The following MED12L variants were observed in gnomAD, a reference collection of about 807,000 sequenced individuals.
MED12L encodes the protein mediator complex subunit 12L.
Under a neutral mutation model 281.3 loss-of-function variants are expected in MED12L, and 60 were observed. The ratio of observed to expected loss-of-function variants is 0.21; its 90% confidence interval spans 0.17 to 0.26. The LOEUF is 0.26. Among genes scored for constraint, MED12L ranks in the 10% least tolerant of loss-of-function variants. The probability of loss-of-function intolerance (pLI) is 1.00; values close to 1 mark genes in which losing one functional copy is unlikely to be tolerated. For synonymous variants in MED12L, 974 were observed against 987.2 expected (o/e 0.99, Z 0.25); for missense variants, 2,146 against 2,680.9 (o/e 0.80, Z 4.41).
intron 39 of MED12L, among the ~76,000 whole-genome samples, chr3:151,395,350 A>G (rs1714825514): frequency 1.3e-5 from 2 of 152,296 alleles, no homozygotes; most frequent in South Asian, 4.1e-4. Flanking sequence ...TGTATATTTA[A>G]TAAGGTCTAG....
At chr3:151,415,939 G>A (rs1717485993) in intron 42 of MED12L, among the ~76,000 whole-genome samples, 1 of 152,330 alleles carries the variant, frequency 6.6e-6, no homozygotes, top group Non-Finnish European at 1.5e-5. Flanking sequence ...GATTACTACT[G>A]AGCAGTCCCC....
chr3:151,367,585 A>G, intron 23 of MED12L, 61 bp from the exon 24 acceptor site: 1 of 1,459,604 alleles, frequency 6.9e-7, no homozygotes, highest in Non-Finnish European at 9.2e-7. Flanking sequence ...CTTAGTTATT[A>G]ATCTTAGATA....
chr3:151,368,036 C>A, intron 24 of MED12L, 114 bp from the exon 25 acceptor site: 1 of 945,116 alleles, frequency 1.1e-6, no homozygotes, highest in South Asian at 1.7e-5. Context: ...ATTTTCTTAC[C>A]ATAAGGAAAA....
In MED12L at chr3:151,338,272, A is replaced by G; in HGVS notation, c.2251-11787A>G. 1 of 1,614,030 alleles carries G rather than the reference A, an allele frequency of 6.2e-7. No individual in the cohort carries two copies. The highest frequency in any genetic ancestry group is 8.5e-7 in the Non-Finnish European group (1 of 1,179,928). On this transcript the variant is annotated intron_variant, in intron 16 of 44. Transcript: ENST00000687756. Reference sequence around the variant, plus strand: ...ATCCAGAAAATGACTTGACAGATGTAATTTACTATTTCATGCCAGACTAGA... The same window carrying G: ...ATCCAGAAAATGACTTGACAGATGTGATTTACTATTTCATGCCAGACTAGA...
Position 151,165,432 on chromosome 3 carries a change from A to G in MED12L, c.1270A>G (p.Ile424Val). The change falls in exon 10 of 45, where the codon ATT (isoleucine) becomes GTT (valine). Residue 424 changes from isoleucine to valine, a missense_variant. By Grantham distance (29) the Ile-to-Val change is conservative (BLOSUM62 3). This residue lies in a region of MED12L where 722 missense variants were observed against 861.2 expected (regional missense o/e 0.84). Coordinates refer to ENST00000687756, the MANE Select transcript of MED12L (RefSeq NM_001393769.1). ...GATTATCTTTCAGGTTCGGGCAAGG[A>G]TTTATGAAGTAGAACAACAGATAAA... ...TAFNQQVRAR[I>V]YEVEQQIKQR... is the part of the protein sequence containing the mutation. The G allele has an allele frequency of 1.9e-6, 3 of 1,613,964 alleles. No individual in the cohort carries two copies. The highest frequency in any genetic ancestry group is 2.2e-5 in the South Asian group (2 of 91,078).
chr3:151,095,926 G>A (rs1441955546), intron 2 of MED12L, among the ~76,000 whole-genome samples: 4 of 152,128 alleles, frequency 2.6e-5, no homozygotes, highest in Admixed American at 1.3e-4. Context: ...GTTGAGATAA[G>A]CATATAACTT....
chr3:151,373,327 C>G (rs1756412374), intron 27 of MED12L, among the ~76,000 whole-genome samples: 1 of 152,132 alleles, frequency 6.6e-6, no homozygotes, highest in East Asian at 1.9e-4. Context: ...ATTTGCACCT[C>G]AAGGGTGATG....
At chr3:151,308,363 G>A (rs1377434015) in intron 16 of MED12L, among the ~76,000 whole-genome samples, 3 of 152,002 alleles carry the variant, frequency 2.0e-5, no homozygotes, top group African/African-American at 7.2e-5. Context: ...GGTGAAACAT[G>A]TATTTTTATT....
intron 16 of MED12L, among the ~76,000 whole-genome samples, chr3:151,223,832 A>C (rs1729912067): frequency 6.6e-6 from 1 of 152,198 alleles, no homozygotes; most frequent in African/African-American, 2.4e-5. Flanking sequence ...GTAACTGTTG[A>C]ACCTAAAAGA....
chr3:151,184,091 G>C (rs1034102954), intron 11 of MED12L, among the ~76,000 whole-genome samples: 2 of 152,114 alleles, frequency 1.3e-5, no homozygotes, highest in African/African-American at 2.4e-5. Context: ...TTTTAAATTA[G>C]GAAAACAGAG....
intron 1 of MED12L, chr3:151,086,528 C>G: frequency 6.3e-6 from 1 of 157,720 alleles, no homozygotes; most frequent in East Asian, 1.8e-4. Context: ...CCATCCTGCG[C>G]CCAGCTGGGG....
At chr3:151,125,357 G>A (rs571033859) in intron 4 of MED12L, among the ~76,000 whole-genome samples, 5 of 152,240 alleles carry the variant, frequency 3.3e-5, no homozygotes, top group East Asian at 1.9e-4. Context: ...CTGCTAGTAC[G>A]GAGACAGTGA....
intron 16 of MED12L, among the ~76,000 whole-genome samples, chr3:151,322,759 A>C (rs1412495554): frequency 6.7e-6 from 1 of 149,998 alleles, no homozygotes; most frequent in Non-Finnish European, 1.5e-5. Flanking sequence ...AACACTACCC[A>C]CTCCTCCCAG....
chr3:151,304,824 C>CT (rs1402740382), intron 16 of MED12L, among the ~76,000 whole-genome samples: 3 of 152,102 alleles, frequency 2.0e-5, no homozygotes, highest in Non-Finnish European at 1.5e-5. Flanking sequence ...AGCCTGTGTA[C>CT]TTGCGCAGGG....
chr3:151,277,831 A>G (rs1343792935), intron 16 of MED12L, among the ~76,000 whole-genome samples: 5 of 152,256 alleles, frequency 3.3e-5, no homozygotes, highest in African/African-American at 1.2e-4. Context: ...TTTTACCTAT[A>G]TAAGTGTATG....
intron 16 of MED12L, among the ~76,000 whole-genome samples, chr3:151,346,282 G>C (rs1160788298): frequency 2.6e-5 from 4 of 151,870 alleles, no homozygotes; most frequent in Admixed American, 6.6e-5. Context: ...TCAGTTATCT[G>C]TTCCCCAATC....
chr3:151,096,452 G>T (rs1350472922), intron 2 of MED12L, among the ~76,000 whole-genome samples: 1 of 152,026 alleles, frequency 6.6e-6, no homozygotes, highest in Non-Finnish European at 1.5e-5. Flanking sequence ...GCTTCATGAG[G>T]AATATATGGC....
chr3:151,243,324 C>G (rs1734628446), intron 16 of MED12L, among the ~76,000 whole-genome samples: 1 of 150,740 alleles, frequency 6.6e-6, no homozygotes, highest in Non-Finnish European at 1.5e-5. Context: ...TCAGATTCAC[C>G]AAAGTTGAAA....
At chr3:151,286,382 C>T (rs1283579773) in intron 16 of MED12L, among the ~76,000 whole-genome samples, 1 of 152,112 alleles carries the variant, frequency 6.6e-6, no homozygotes, top group Non-Finnish European at 1.5e-5. Context: ...ATTATTTATT[C>T]CTTCTGCAAG....
Sources: allele counts gnomAD v4.1 joint callset (sites outside exome capture counted in the v4.1 genomes callset), GRCh38; gene constraint gnomAD v4.1.1; regional missense constraint gnomAD v4.1.1; transcripts MANE v1.5; gene names NCBI Gene and HGNC (gene_info 2026-07-23, HGNC 2026-07-21).